Variants in YAF2 observed in about 807,000 individuals in gnomAD.
The protein encoded by YAF2 is YY1-associated factor 2.
In YAF2, 7 loss-of-function variants were observed where a neutral mutation model predicts 20.1. That is an observed-to-expected ratio of 0.35 (90% CI 0.20 to 0.65). YAF2 has a LOEUF of 0.65. Ranked by LOEUF, YAF2 falls within the 30% of genes least tolerant of loss-of-function variation. YAF2 has a pLI of 0.69. For synonymous variants in YAF2, 74 were observed against 76.0 expected (o/e 0.97, Z 0.14); for missense variants, 151 against 219.2 (o/e 0.69, Z 1.96).
At position 42,191,535 on chromosome 12, in the gene YAF2, G is replaced by A. The variant is rs115707293; in HGVS notation, c.153-29770C>T. Reference sequence around the variant, plus strand: ...TTGCTTAATAGCTAAGCTATATCATGGGGCCTTTATACTTTTAACAAGCAT... The same window carrying A: ...TTGCTTAATAGCTAAGCTATATCATAGGGCCTTTATACTTTTAACAAGCAT... On this transcript the variant is annotated intron_variant, in intron 2 of 3. Transcript: ENST00000534854. Among the ~76,000 whole-genome samples, 437 of 152,170 alleles carry A rather than the reference G, an allele frequency of 2.9e-3. 2 individuals are homozygous for A. Among genetic ancestry groups the A allele is most frequent in the African/African-American group, 9.6e-3 (398 of 41,524 alleles).
intron 2 of YAF2, among the ~76,000 whole-genome samples, chr12:42,226,070 T>C (rs1434760487): frequency 2.6e-5 from 4 of 152,196 alleles, no homozygotes; most frequent in African/African-American, 9.7e-5. Flanking sequence ...TGGTTTGTAG[T>C]TCTCCTTGAA....
At chr12:42,234,453 A>C in intron 2 of YAF2, 2 of 979,544 alleles carry the variant, frequency 2.0e-6, no homozygotes, top group Non-Finnish European at 2.4e-6. Flanking sequence ...TCCCAATCCC[A>C]CCACTCTGCA....
At chr12:42,181,527 G>C (rs555562728) in intron 2 of YAF2, among the ~76,000 whole-genome samples, 1 of 152,340 alleles carries the variant, frequency 6.6e-6, no homozygotes, top group Admixed American at 6.5e-5. Context: ...TCAAAGCACA[G>C]TCTCTATACC....
intron 2 of YAF2, among the ~76,000 whole-genome samples, chr12:42,181,299 C>A (rs1189196749): frequency 6.6e-6 from 1 of 152,232 alleles, no homozygotes; most frequent in Non-Finnish European, 1.5e-5. Flanking sequence ...TTACTCTGTG[C>A]TCTTTCCTTA....
chr12:42,174,994 G>A (rs1031446914), intron 2 of YAF2, among the ~76,000 whole-genome samples: 2 of 152,140 alleles, frequency 1.3e-5, no homozygotes, highest in African/African-American at 2.4e-5. Flanking sequence ...AAAACAATGT[G>A]ATCCATAACA....
chr12:42,227,552 G>A (rs1327282151), intron 2 of YAF2, among the ~76,000 whole-genome samples: 4 of 149,036 alleles, frequency 2.7e-5, no homozygotes, highest in Admixed American at 1.3e-4. Context: ...GAGGTGAGGA[G>A]CGTCTCTGCC....
intron 2 of YAF2, among the ~76,000 whole-genome samples, chr12:42,162,966 A>G (rs947543893): frequency 6.6e-6 from 1 of 152,162 alleles, no homozygotes; most frequent in African/African-American, 2.4e-5. Context: ...TATGGTAGTT[A>G]ATGGCTGAGG....
chr12:42,185,309 A>C (rs981205623), intron 2 of YAF2, among the ~76,000 whole-genome samples: 1 of 152,246 alleles, frequency 6.6e-6, no homozygotes, highest in African/African-American at 2.4e-5. Context: ...ATAAACACAC[A>C]AAGTGGTTTC....
chr12:42,174,666 T>A (rs952273834), intron 2 of YAF2, among the ~76,000 whole-genome samples: 1 of 152,198 alleles, frequency 6.6e-6, no homozygotes, highest in Non-Finnish European at 1.5e-5. Flanking sequence ...TTTTTATGCA[T>A]GCTAAAAGCA....
intron 2 of YAF2, chr12:42,199,313 C>G (rs1032405752): frequency 6.7e-6 from 5 of 747,992 alleles, no homozygotes; most frequent in Non-Finnish European, 7.4e-6. Context: ...TTAAATCCAT[C>G]AAACATAATA....
At chr12:42,184,997 C>T (rs145553932) in intron 2 of YAF2, among the ~76,000 whole-genome samples, 95 of 152,258 alleles carry the variant, frequency 6.2e-4, no homozygotes, top group African/African-American at 2.0e-3. Context: ...GCCAATATGG[C>T]GCAACCCTGT....
chr12:42,165,750 T>A (rs2065899300), intron 2 of YAF2, among the ~76,000 whole-genome samples: 1 of 147,666 alleles, frequency 6.8e-6, no homozygotes, highest in African/African-American at 2.5e-5. Flanking sequence ...GGATTACAGA[T>A]GTGAGCTGCT....
chr12:42,208,483 T>C (rs2067115598), intron 2 of YAF2, among the ~76,000 whole-genome samples: 1 of 152,076 alleles, frequency 6.6e-6, no homozygotes, highest in African/African-American at 2.4e-5. Context: ...AAAATAGCAA[T>C]ACAACCTAAA....
chr12:42,172,902 A>G (rs2066085985), intron 2 of YAF2, among the ~76,000 whole-genome samples: 1 of 152,222 alleles, frequency 6.6e-6, no homozygotes, highest in African/African-American at 2.4e-5. Flanking sequence ...AAGACCACAT[A>G]TTCTTGCATG....
chr12:42,182,262 A>T lies in YAF2; in HGVS notation c.153-20497T>A, dbSNP rs548969868. On this transcript the variant is annotated intron_variant, in intron 2 of 3. Coordinates refer to ENST00000534854, the MANE Select transcript of YAF2 (RefSeq NM_005748.6). ...GCAGAAGGCATGAAATTCTGTTAAC[A>T]TATGATGTGGCCGGGTATTTTATAA... Among the ~76,000 whole-genome samples the T allele has an allele frequency of 8.5e-5, 13 of 152,336 alleles. No individual in the cohort carries two copies. In the South Asian group the frequency reaches 2.7e-3, roughly 32 times the overall value.
At position 42,237,668 on chromosome 12, in the gene YAF2, C is replaced by T; in HGVS notation, c.83G>A (p.Cys28Tyr). Residue 28 changes from cysteine (C) to tyrosine (Y), a missense_variant, in exon 2 of 4, where the codon TGC becomes TAC. Coordinates refer to ENST00000534854, the MANE Select transcript of YAF2 (RefSeq NM_005748.6). ...SDEGYWDCSV[C>Y]TFRNSAEAFK... ...GGCCTCGGCGCTGTTCCGGAAGGTG[C>T]AGACGCTACAGTCCCAGTAACCCTC... 6.3e-7 allele frequency: 1 copy of T among 1,589,066 alleles called. No homozygotes were observed. Among genetic ancestry groups the T allele is most frequent in the Non-Finnish European group, 8.6e-7 (1 of 1,169,074 alleles).
intron 2 of YAF2, among the ~76,000 whole-genome samples, chr12:42,164,216 T>A (rs1384821362): frequency 6.6e-6 from 1 of 152,216 alleles, no homozygotes; most frequent in East Asian, 1.9e-4. Context: ...TATTCACCAA[T>A]TTGGGGATCC....
intron 2 of YAF2, among the ~76,000 whole-genome samples, chr12:42,207,685 G>C (rs185658013): frequency 0.01 from 1,578 of 151,688 alleles, 12 homozygotes; most frequent in Non-Finnish European, 0.015. Context: ...AAGGTCAGGC[G>C]ATCAAGACCA....
Position 42,238,187 on chromosome 12 carries a change from G to T in YAF2, c.-7C>A. Reference sequence around the variant, plus strand: ...GGCTCTTCTTGTCTCCCATGGCTTGGCTATCACCGCACGCCGAGAGTCGCC... The same window carrying T: ...GGCTCTTCTTGTCTCCCATGGCTTGTCTATCACCGCACGCCGAGAGTCGCC... On this transcript the variant is annotated 5_prime_UTR_variant, in exon 1 of 4. Transcript: ENST00000534854. The T allele has an allele frequency of 6.6e-7, 1 of 1,518,282 alleles. No individual in the cohort carries two copies. The allele number at this position is 1,518,282 out of a possible 1,614,324, so 94.1% of individuals were successfully genotyped here.
Sources: allele counts gnomAD v4.1 joint callset (sites outside exome capture counted in the v4.1 genomes callset), GRCh38; gene constraint gnomAD v4.1.1; transcripts MANE v1.5; gene names NCBI Gene and HGNC (gene_info 2026-07-23, HGNC 2026-07-21).